Variants in PAX6 observed in about 807,000 individuals in gnomAD.
The protein encoded by PAX6 is paired box protein Pax-6.
PAX6 carries 7 observed loss-of-function variants against 60.7 expected under a neutral mutation model. That is an observed-to-expected ratio of 0.12 (90% CI 0.07 to 0.22). PAX6 has a LOEUF of 0.22. Ranked by LOEUF, PAX6 falls within the 10% of genes least tolerant of loss-of-function variation. The pLI is 1.00. For synonymous variants in PAX6, 208 were observed against 201.2 expected (o/e 1.03, Z -0.29); for missense variants, 355 against 555.2 (o/e 0.64, Z 3.62).
intron 4 of PAX6, chr11:31,804,439 G>C (rs774703256): frequency 5.3e-5 from 8 of 152,236 alleles, no homozygotes; most frequent in Non-Finnish European, 1.0e-4. Context: ...TGGGGCTGAG[G>C]GGGGGCCCTC....
At chr11:31,792,649 G>A (rs1385592245) in intron 12 of PAX6, 1 of 153,876 alleles carries the variant, frequency 6.5e-6, no homozygotes, top group Non-Finnish European at 1.4e-5. Context: ...CAGCAACAAA[G>A]GTCTAGTACA....
chr11:31,814,168 C>G (rs1220901834), upstream of PAX6: 2 of 152,166 alleles, frequency 1.3e-5, no homozygotes, highest in Non-Finnish European at 2.9e-5. Context: ...GGGAGGACCT[C>G]TCAGGCCGGC....
intron 9 of PAX6, 163 bp from the exon 10 acceptor site, chr11:31,794,277 A>G: frequency 1.4e-6 from 1 of 702,554 alleles, no homozygotes; most frequent in Non-Finnish European, 2.6e-6. Flanking sequence ...CTTTCCCACC[A>G]GAACCAAGTT....
At chr11:31,803,295 A>C in intron 4 of PAX6, 1 of 211,620 alleles carries the variant, frequency 4.7e-6, no homozygotes, top group Non-Finnish European at 9.7e-6. Flanking sequence ...GGCTCTATAA[A>C]TCTCCCAAAG....
At chr11:31,796,923 G>A (rs141154847) in intron 8 of PAX6, among the ~76,000 whole-genome samples, 2 of 152,240 alleles carry the variant, frequency 1.3e-5, no homozygotes, top group East Asian at 3.9e-4. Flanking sequence ...CCGCTCACGT[G>A]TGCGGGCACA....
intron 1 of PAX6, chr11:31,816,513 G>A: frequency 1.4e-6 from 1 of 702,490 alleles, no homozygotes; most frequent in South Asian, 1.5e-5. Flanking sequence ...TGAGGGAGGA[G>A]GCCCGAGGAT....
chr11:31,795,958 G>T (rs1301342851), intron 8 of PAX6, among the ~76,000 whole-genome samples: 5 of 152,264 alleles, frequency 3.3e-5, no homozygotes, highest in African/African-American at 1.2e-4. Context: ...GCCCCTAGGA[G>T]CGCCTTGGTG....
At chr11:31,800,463 T>A in intron 8 of PAX6, 1 of 644,846 alleles carries the variant, frequency 1.6e-6, no homozygotes, top group Non-Finnish European at 2.8e-6. Context: ...ACCAGCCACC[T>A]TCATACCGCT....
Position 31,811,280 on chromosome 11 carries a change from C to T in PAX6, c.-482G>A. 1 of 398,960 alleles carries T rather than the reference C, an allele frequency of 2.5e-6. No homozygotes were observed. Among genetic ancestry groups the T allele is most frequent in the South Asian group, 1.3e-4 (1 of 7,632 alleles). The allele number at this position is 398,960 out of a possible 1,614,324, so 24.7% of individuals were successfully genotyped here. A position where few individuals can be genotyped will look rare whatever the true frequency, so the allele number is the denominator to read the frequency against. Reference sequence around the variant, plus strand: ...AACCAGAGCGGGAAATGAGGCCGAGCCACGGTTCCCTTTTCAAACCCACTA... The same window carrying T: ...AACCAGAGCGGGAAATGAGGCCGAGTCACGGTTCCCTTTTCAAACCCACTA... On this transcript the variant is annotated 5_prime_UTR_variant, in exon 1 of 14. Transcript: ENST00000640368.
chr11:31,812,788 GA>G, upstream of PAX6: 1 of 152,758 alleles, frequency 6.5e-6, no homozygotes, highest in Non-Finnish European at 1.5e-5. Context: ...TGAAGCAGCC[GA>G]AGGGTACGCT....
chr11:31,803,067 A>T, intron 4 of PAX6: 1 of 575,500 alleles, frequency 1.7e-6, no homozygotes, highest in Non-Finnish European at 3.1e-6. Flanking sequence ...CAAATAAAGG[A>T]CAACAGGACC....
chr11:31,810,122 G>A (rs1373083514), intron 2 of PAX6: 1 of 152,348 alleles, frequency 6.6e-6, no homozygotes, highest in Non-Finnish European at 1.5e-5. Flanking sequence ...CCTTGGCCTG[G>A]TGGCTTCCTT....
At chr11:31,793,323 T>A in intron 12 of PAX6, 115 bp downstream of exon 12, 1 of 848,570 alleles carries the variant, frequency 1.2e-6, no homozygotes, top group East Asian at 2.4e-5. Context: ...AGCCAATCAC[T>A]GTAGTGCGAA....
intron 8 of PAX6, chr11:31,800,408 C>T: frequency 3.6e-6 from 2 of 550,892 alleles, no homozygotes; most frequent in Non-Finnish European, 6.6e-6. Context: ...CCACGCAGCT[C>T]GTTCTTATGC....
chr11:31,796,966 C>A (rs1252475504), intron 8 of PAX6, among the ~76,000 whole-genome samples: 1 of 152,036 alleles, frequency 6.6e-6, no homozygotes. Flanking sequence ...CCCAAGTTTC[C>A]GGGGACTTTT....
At chr11:31,800,667 C>A in intron 8 of PAX6, 24 bp downstream of exon 8, 2 of 1,613,518 alleles carry the variant, frequency 1.2e-6, no homozygotes, top group South Asian at 1.1e-5. Flanking sequence ...TGGAGAGCTG[C>A]GTGGATGGCT....
intron 9 of PAX6, 182 bp downstream of exon 9, chr11:31,794,423 CACACACACACACACACACACACACA>C: frequency 9.5e-4 from 3 of 3,164 alleles, no homozygotes; most frequent in Non-Finnish European, 5.7e-4. Context: ...ACACACACCA[CACACACACACACACACACACACACA>C]CACACACACA....
chr11:31,817,411 G>A (rs1259754023), intron 1 of PAX6, among the ~76,000 whole-genome samples: 1 of 152,238 alleles, frequency 6.6e-6, no homozygotes. Flanking sequence ...ACTTTCCCAA[G>A]CGTGGATGTC....
chr11:31,802,766 G>C lies in PAX6; in HGVS notation c.79C>G (p.Gln27Glu). Residue 27 changes from glutamine to glutamate, a missense_variant, in exon 5 of 14, where the codon CAG becomes GAG. Around this residue, in one of 5 missense-constraint regions of PAX6, gnomAD observed 41 missense variants for 77.1 expected, o/e 0.53. Coordinates refer to ENST00000640368, the MANE Select transcript of PAX6 (RefSeq NM_001368894.2). ...NGRPLPDSTR[Q>E]KIVELAHSGA... is the part of the protein sequence containing the mutation. Reference sequence around the variant, plus strand: ...CTGTGAGCTAGCTCTACAATCTTCTGCCGGGTGGAGTCCGGCAGTGGCCGC... The same window carrying C: ...CTGTGAGCTAGCTCTACAATCTTCTCCCGGGTGGAGTCCGGCAGTGGCCGC... 6.2e-7 allele frequency: 1 copy of C among 1,614,094 alleles called. No individual in the cohort carries two copies. The highest frequency in any genetic ancestry group is 8.5e-7 in the Non-Finnish European group (1 of 1,180,002).
Sources: allele counts gnomAD v4.1 joint callset (sites outside exome capture counted in the v4.1 genomes callset), GRCh38; gene constraint gnomAD v4.1.1; regional missense constraint gnomAD v4.1.1; transcripts MANE v1.5; gene names NCBI Gene and HGNC (gene_info 2026-07-23, HGNC 2026-07-21).